The following FRMD5 variants were observed in gnomAD, a reference collection of about 807,000 sequenced individuals.
The protein encoded by FRMD5 is FERM domain-containing protein 5.
In FRMD5, 20 loss-of-function variants were observed where a neutral mutation model predicts 69.0. The observed-to-expected ratio is 0.29, with a 90% CI of 0.20 to 0.42. The LOEUF is 0.42. FRMD5 is among the 10% of genes least tolerant of loss of function. The pLI is 1.00. For missense variants in FRMD5, 595 were observed against 708.6 expected, an observed-to-expected ratio of 0.84 and a Z score of 1.82; for synonymous variants, 271 against 260.1, an observed-to-expected ratio of 1.04 and a Z score of -0.40.
At chr15:43,956,460 A>G (rs2090117111) in intron 1 of FRMD5, among the ~76,000 whole-genome samples, 1 of 152,216 alleles carries the variant, frequency 6.6e-6, no homozygotes, top group Non-Finnish European at 1.5e-5. Context: ...AATAAATAAA[A>G]TCAAATTGAT....
chr15:43,924,097 G>T, intron 2 of FRMD5, 108 bp downstream of exon 2: 4 of 847,370 alleles, frequency 4.7e-6, no homozygotes, highest in South Asian at 2.9e-5. Context: ...TGCAGGGTCT[G>T]GTTGGTCCCT....
At chr15:43,935,137 C>T (rs2089737443) in intron 1 of FRMD5, among the ~76,000 whole-genome samples, 1 of 152,192 alleles carries the variant, frequency 6.6e-6, no homozygotes, top group African/African-American at 2.4e-5. Context: ...GGTTCTCCCA[C>T]ATGTGGTATT....
chr15:44,020,455 C>T (rs1325703788), intron 1 of FRMD5, among the ~76,000 whole-genome samples: 1 of 152,180 alleles, frequency 6.6e-6, no homozygotes, highest in Non-Finnish European at 1.5e-5. Flanking sequence ...AGACAGAGTT[C>T]CTGCTCCTAG....
At chr15:44,169,725 T>C (rs1367463480) in intron 1 of FRMD5, among the ~76,000 whole-genome samples, 2 of 152,314 alleles carry the variant, frequency 1.3e-5, no homozygotes, top group Non-Finnish European at 1.5e-5. Context: ...AGGAAGTTTT[T>C]AGCCCCAAAT....
chr15:44,031,589 C>T (rs1891685330), intron 1 of FRMD5, among the ~76,000 whole-genome samples: 1 of 152,052 alleles, frequency 6.6e-6, no homozygotes, highest in Non-Finnish European at 1.5e-5. Flanking sequence ...GTACTCTATC[C>T]TCATGACCTA....
chr15:44,182,548 C>T (rs544672739), intron 1 of FRMD5, among the ~76,000 whole-genome samples: 1 of 150,734 alleles, frequency 6.6e-6, no homozygotes, highest in African/African-American at 2.4e-5. Flanking sequence ...CCAGGATGGT[C>T]TCGATCTGAC....
At chr15:44,044,569 G>C (rs1028829057) in intron 1 of FRMD5, among the ~76,000 whole-genome samples, 2 of 152,270 alleles carry the variant, frequency 1.3e-5, no homozygotes, top group South Asian at 2.1e-4. Flanking sequence ...ATACACCATG[G>C]AATACTGTGC....
chr15:43,974,900 C>A (rs530014219), intron 1 of FRMD5, among the ~76,000 whole-genome samples: 1 of 152,314 alleles, frequency 6.6e-6, no homozygotes, highest in Admixed American at 6.5e-5. Flanking sequence ...CTGACTGGGG[C>A]TCTTGTGGCT....
At chr15:44,098,538 AAGAG>A (rs371344192) in intron 1 of FRMD5, among the ~76,000 whole-genome samples, 5 of 145,620 alleles carry the variant, frequency 3.4e-5, no homozygotes, top group Non-Finnish European at 6.0e-5. Context: ...AAAAAAAAAA[AAGAG>A]AGAGAGAGAC....
intron 1 of FRMD5, among the ~76,000 whole-genome samples, chr15:44,118,737 A>G (rs1289250712): frequency 6.6e-6 from 1 of 152,228 alleles, no homozygotes; most frequent in African/African-American, 2.4e-5. Flanking sequence ...TTCGAAAGGT[A>G]TAATACACAG....
In FRMD5 at chr15:43,873,733, G is replaced by A; in HGVS notation, c.*152C>T. ...CATGAGCCTATCCCTTTCTTCTTCT[G>A]GGAAACACCCTCCTAGGCTGCAGTG... On this transcript the variant is annotated 3_prime_UTR_variant, in exon 14 of 14. Coordinates refer to ENST00000417257, the MANE Select transcript of FRMD5 (RefSeq NM_032892.5). 6.6e-7 allele frequency: 1 copy of A among 1,518,672 alleles called. No homozygotes were observed. The highest frequency in any genetic ancestry group is 1.2e-5 in the South Asian group (1 of 80,112). 94.1% of individuals were successfully genotyped at this position (1,518,672 alleles called of 1,614,324 possible).
At chr15:44,109,045 T>A (rs535504758) in intron 1 of FRMD5, among the ~76,000 whole-genome samples, 2 of 151,652 alleles carry the variant, frequency 1.3e-5, no homozygotes, top group Admixed American at 1.3e-4. Flanking sequence ...TTGCCAGATA[T>A]AAAGCATTTC....
Position 43,940,138 on chromosome 15 carries a change from C to G in FRMD5, c.103-15829G>C, listed in dbSNP as rs118049920. Among the ~76,000 whole-genome samples the G allele has an allele frequency of 2.7e-4, 41 of 152,294 alleles. No homozygotes were observed. In the East Asian group the frequency reaches 7.5e-3, roughly 28 times the overall value. The stretch of plus-strand genomic sequence containing the variant: ...GTTGCGGTGAACCCAGATGGAGCCA[C>G]TGCACTCCGGAGCCTGGGCGACAGG... On this transcript the variant is annotated intron_variant, in intron 1 of 13. Transcript: ENST00000417257.
intron 1 of FRMD5, among the ~76,000 whole-genome samples, chr15:44,067,186 A>G (rs1003709237): frequency 2.0e-5 from 3 of 152,228 alleles, no homozygotes; most frequent in Non-Finnish European, 2.9e-5. Flanking sequence ...AAATAATCTC[A>G]ACTTTCTCAG....
intron 1 of FRMD5, among the ~76,000 whole-genome samples, chr15:44,092,945 TTTTTTG>T (rs1286282368): frequency 6.8e-6 from 1 of 146,372 alleles, no homozygotes; most frequent in East Asian, 2.0e-4. Context: ...TTTTTTTTTT[TTTTTTG>T]AGATGGAGTC....
intron 1 of FRMD5, among the ~76,000 whole-genome samples, chr15:44,111,922 C>A: frequency 6.6e-6 from 1 of 152,018 alleles, no homozygotes; most frequent in Non-Finnish European, 1.5e-5. Flanking sequence ...ACCACCTCGG[C>A]AACCTCCGCC....
chr15:44,086,927 T>G (rs2140466273), intron 1 of FRMD5, among the ~76,000 whole-genome samples: 1 of 152,332 alleles, frequency 6.6e-6, no homozygotes, highest in East Asian at 1.9e-4. Flanking sequence ...TTCCATTCAC[T>G]GTAAAAATCA....
intron 1 of FRMD5, among the ~76,000 whole-genome samples, chr15:43,942,666 C>G (rs2089881550): frequency 6.6e-6 from 1 of 152,114 alleles, no homozygotes; most frequent in Non-Finnish European, 1.5e-5. Context: ...CTATCAATGA[C>G]AACACATAAG....
At chr15:44,037,617 G>A (rs2140303701) in intron 1 of FRMD5, among the ~76,000 whole-genome samples, 2 of 151,294 alleles carry the variant, frequency 1.3e-5, no homozygotes, top group Admixed American at 1.3e-4. Flanking sequence ...ACAGGTGCAT[G>A]CCGCCACACC....
Sources: allele counts gnomAD v4.1 joint callset (sites outside exome capture counted in the v4.1 genomes callset), GRCh38; gene constraint gnomAD v4.1.1; transcripts MANE v1.5; gene names NCBI Gene and HGNC (gene_info 2026-07-23, HGNC 2026-07-21).